The following KIF1A variants were observed in gnomAD, a reference collection of about 807,000 sequenced individuals.
KIF1A encodes the protein kinesin family member 1A.
A neutral mutation model predicts 227.3 loss-of-function variants in KIF1A; 46 were observed. The ratio of observed to expected loss-of-function variants is 0.20; its 90% CI spans 0.16 to 0.26. The LOEUF (loss-of-function observed/expected upper bound fraction) is 0.26. Among genes scored for constraint, KIF1A ranks in the 10% least tolerant of loss-of-function variants. The pLI, the probability that KIF1A is intolerant of heterozygous loss-of-function variation, is 1.00. For missense variants in KIF1A, 1,683 were observed against 2,485.9 expected (o/e 0.68, Z 6.87); for synonymous variants, 1,022 against 1,012.8 (o/e 1.01, Z -0.17).
At chr2:240,787,963 T>C in intron 4 of KIF1A, 88 bp downstream of exon 4, 1 of 1,290,624 alleles carries the variant, frequency 7.7e-7, no homozygotes, top group East Asian at 2.5e-5. Context: ...TGGGGGCTGC[T>C]CTCAGGGGTG....
rs2051687232 is a variant in KIF1A at position 240,769,634 on chromosome 2, T to A, written c.1414A>T (p.Met472Leu). 2 of 1,613,226 alleles carry A rather than the reference T, an allele frequency of 1.2e-6. No homozygotes were observed. The highest frequency in any genetic ancestry group is 2.7e-5 in the African/African-American group (2 of 75,032). The change falls in exon 16 of 49, where the codon ATG becomes TTG. Residue 472 changes from methionine to leucine, a missense_variant. Physicochemically the swap from Met to Leu is conservative, Grantham distance 15 (BLOSUM62 2). Coordinates refer to ENST00000498729, the MANE Select transcript of KIF1A (RefSeq NM_001244008.2). ...AGTTTCCCCGCTGCACACCTCTCCA[T>A]CCGGATGGCTTCTGTCCGCCGCAGC... ...EKLRRTEAIR[M>L]EREALLAEMG...
In KIF1A at chr2:240,775,841, A is replaced by G. The variant is rs1013680707; in HGVS notation, c.958+10T>C. 5 of 1,587,950 alleles carry G rather than the reference A, an allele frequency of 3.1e-6. No homozygotes were observed. The highest frequency in any genetic ancestry group is 1.7e-5 in the Admixed American group (1 of 59,966). On this transcript the variant is annotated intron_variant, in intron 11 of 48. Coordinates refer to ENST00000498729, the MANE Select transcript of KIF1A (RefSeq NM_001244008.2). This position sits in a 1 kb window ranked among gnomAD's most constrained non-coding sequence, Gnocchi z 5.5. ...GAGCCCTGGGGACAGGCAAACCCAC[A>G]AGTTCTCACCCAGGTTTTCCCGGAG...
intron 2 of KIF1A, among the ~76,000 whole-genome samples, chr2:240,796,920 T>C (rs928202994): frequency 6.7e-6 from 1 of 150,234 alleles, no homozygotes; most frequent in Admixed American, 6.6e-5. Flanking sequence ...CCCCACCTGG[T>C]AGATAATAGA....
intron 1 of KIF1A, among the ~76,000 whole-genome samples, chr2:240,808,187 A>G (rs2057578681): frequency 6.6e-6 from 1 of 152,224 alleles, no homozygotes; most frequent in African/African-American, 2.4e-5. Context: ...CATAAATATG[A>G]ATTTGAAAGA....
intron 1 of KIF1A, among the ~76,000 whole-genome samples, chr2:240,819,707 GCGCAGCCCCTCC>G (rs1351721478): frequency 6.6e-6 from 1 of 151,474 alleles, no homozygotes; most frequent in Non-Finnish European, 1.5e-5. Flanking sequence ...CGCCGTCTGG[GCGCAGCCCCTCC>G]CGCAGCCCCG....
chr2:240,783,877 A>AC, intron 7 of KIF1A, 61 bp from the exon 8 acceptor site: 1 of 1,303,926 alleles, frequency 7.7e-7, no homozygotes, highest in Non-Finnish European at 1.1e-6. Flanking sequence ...GCATCCCAGG[A>AC]CCCCTGGGCA....
At chr2:240,812,921 ATC>A (rs2058017126) in intron 1 of KIF1A, among the ~76,000 whole-genome samples, 4 of 136,384 alleles carry the variant, frequency 2.9e-5, no homozygotes, top group South Asian at 2.4e-4. Context: ...CACCTCGGGG[ATC>A]AGCCTTCACC....
At position 240,719,211 on chromosome 2, in the gene KIF1A, A is replaced by G. The variant is rs2044954271; in HGVS notation, c.5022-13T>C. Reference sequence around the variant, plus strand: ...GGAAACGATCGGGCTGAAGGCAGAGAGAGCTGCTCGCTGGGGCCCTCGGTG... The same window carrying G: ...GGAAACGATCGGGCTGAAGGCAGAGGGAGCTGCTCGCTGGGGCCCTCGGTG... On this transcript the variant is annotated splice_polypyrimidine_tract_variant and intron_variant, in intron 46 of 48. Transcript: ENST00000498729. 2 of 1,590,362 alleles carry G rather than the reference A, an allele frequency of 1.3e-6. No individual in the cohort carries two copies. The highest frequency in any genetic ancestry group is 1.7e-6 in the Non-Finnish European group (2 of 1,165,928).
At chr2:240,741,606 C>T (rs537454073) in intron 34 of KIF1A, among the ~76,000 whole-genome samples, 7 of 152,292 alleles carry the variant, frequency 4.6e-5, no homozygotes, top group Middle Eastern at 3.4e-3. Context: ...CTCTGTGCCC[C>T]GGCTAGGAAA....
rs555536031 is a variant in KIF1A at position 240,795,293 on chromosome 2, G to A, written c.106+2354C>T. Among the ~76,000 whole-genome samples the A allele has an allele frequency of 9.8e-5, 15 of 152,318 alleles. No homozygotes were observed. The East Asian group carries it at 1.9e-3, about 20-fold the overall frequency. ...AACTCCAATGTCTTCAGGGCCAGAC[G>A]GGATCCAGGCATTTGAAGCAGGGTG... On this transcript the variant is annotated intron_variant, in intron 2 of 48. Coordinates refer to ENST00000498729, the MANE Select transcript of KIF1A (RefSeq NM_001244008.2).
rs779386379 is a variant in KIF1A, at chr2:240,720,902, G to A, written c.4868+12C>T. The A allele has an allele frequency of 2.0e-5, 31 of 1,550,310 alleles. No homozygotes were observed. Among genetic ancestry groups the A allele is most frequent in the Admixed American group, 7.6e-5 (4 of 52,722 alleles). On this transcript the variant is annotated intron_variant, in intron 45 of 48. Coordinates refer to ENST00000498729, the MANE Select transcript of KIF1A (RefSeq NM_001244008.2). ...TGCCAGAAGCCACTCCGGGAGCCTG[G>A]AGCTCACTCACCTCAGGTCAGTGGC... is the stretch of plus-strand genomic sequence containing the variant.
In KIF1A at chr2:240,792,664, A is replaced by G. The variant is rs774101594; in HGVS notation, c.107-3352T>C. Reference sequence around the variant, plus strand: ...GGCCGAGCTGAGCTGGCTCTTCCCAACGGAGCCTGCTGTGGGCCGAGCGTG... The same window carrying G: ...GGCCGAGCTGAGCTGGCTCTTCCCAGCGGAGCCTGCTGTGGGCCGAGCGTG... On this transcript the variant is annotated intron_variant, in intron 2 of 48. Transcript: ENST00000498729. The surrounding 1 kb of genome is among the most constrained non-coding windows in gnomAD (Gnocchi z 4.5). Among the ~76,000 whole-genome samples the G allele has an allele frequency of 4.6e-5, 7 of 152,290 alleles. No homozygotes were observed. The highest frequency in any genetic ancestry group is 1.0e-4 in the Non-Finnish European group (7 of 68,014).
At chr2:240,742,279 C>A (rs1235907675) in intron 34 of KIF1A, among the ~76,000 whole-genome samples, 1 of 152,324 alleles carries the variant, frequency 6.6e-6, no homozygotes, top group Middle Eastern at 3.4e-3. Flanking sequence ...AGGCCCCTAC[C>A]CTCTGGGGTG....
chr2:240,737,018 T>G (rs776676082), intron 38 of KIF1A, 45 bp downstream of exon 38: 1 of 1,504,608 alleles, frequency 6.6e-7, no homozygotes, highest in Admixed American at 1.7e-5. Context: ...CCTGGCAGGC[T>G]GGGAACATGC....
chr2:240,747,165 G>T, intron 29 of KIF1A, 71 bp downstream of exon 29: 2 of 1,147,616 alleles, frequency 1.7e-6, no homozygotes, highest in Non-Finnish European at 1.3e-6. Flanking sequence ...GGTGTTAGAG[G>T]AGCAAAGTGC....
Position 240,746,163 on chromosome 2 carries a change from A to C in KIF1A, c.3078T>G (p.Ser1026=). Residue 1026 remains serine (S), a synonymous_variant, in exon 30 of 49, where the codon TCT becomes TCG. Coordinates refer to ENST00000498729, the MANE Select transcript of KIF1A (RefSeq NM_001244008.2). ...AGCGGGACATCCCCACCACGGGGCA[A>C]GACTCGGACTGGAACTGATCAGAGG... is the stretch of plus-strand genomic sequence containing the variant. ...DQHFEKFQSE[S]CPVVGMSRSG... is the part of the protein sequence containing the mutation. The C allele has an allele frequency of 6.4e-7, 1 of 1,564,698 alleles. No homozygotes were observed.
intron 20 of KIF1A, among the ~76,000 whole-genome samples, chr2:240,764,873 T>A (rs1473818217): frequency 6.6e-6 from 1 of 151,638 alleles, no homozygotes; most frequent in African/African-American, 2.4e-5. Context: ...GCGGATGGAG[T>A]CCACTCCTGC....
Position 240,726,431 on chromosome 2 carries a change from C to A in KIF1A, c.4122+395G>T, listed in dbSNP as rs532303229. On this transcript the variant is annotated intron_variant, in intron 39 of 48. Transcript: ENST00000498729. This position sits in a 1 kb window ranked among gnomAD's most constrained non-coding sequence, Gnocchi z 5.2. ...TTTGAGAACAGCCTGGCCAACATGG[C>A]AAAACCCCATCTCTACTAAAAGTTC... Among the ~76,000 whole-genome samples the A allele has an allele frequency of 3.8e-4, 58 of 152,204 alleles. No homozygotes were observed. The highest frequency in any genetic ancestry group is 3.4e-3 in the Middle Eastern group (1 of 294).
At position 240,758,583 on chromosome 2, in the gene KIF1A, G is replaced by C. The variant is rs1428228485; in HGVS notation, c.2445-86C>G. ...CACCCTTATCTCCTGGGGACAGTGG[G>C]CTCAGCCTAGCTCTGGCCACCACAT... On this transcript the variant is annotated intron_variant, in intron 25 of 48. Transcript: ENST00000498729. The surrounding 1 kb of genome is among the most constrained non-coding windows in gnomAD (Gnocchi z 5.2). The C allele has an allele frequency of 7.5e-7, 1 of 1,328,568 alleles. No homozygotes were observed. The highest frequency in any genetic ancestry group is 9.9e-7 in the Non-Finnish European group (1 of 1,014,146). 82.3% of individuals were successfully genotyped at this position (1,328,568 alleles called of 1,614,324 possible).
Sources: gnomAD v4.1 joint callset for allele counts (sites outside exome capture counted in the v4.1 genomes callset) on GRCh38, gnomAD v4.1.1 for gene constraint, Gnocchi (gnomAD v3.1) non-coding constraint, MANE v1.5 for transcripts, NCBI Gene and HGNC (gene_info 2026-07-23, HGNC 2026-07-21) for gene names.